PDE3B: variants seen among roughly 807,000 people sequenced by gnomAD.
PDE3B encodes the protein phosphodiesterase 3B.
Under a neutral mutation model 116.8 loss-of-function variants are expected in PDE3B, and 66 were observed. That is an observed-to-expected ratio of 0.56 (90% CI 0.46 to 0.69). The LOEUF is 0.69. Ranked by LOEUF, PDE3B falls within the 30% of genes least tolerant of loss-of-function variation. The probability of loss-of-function intolerance (pLI) is 0.00; values close to 1 mark genes in which losing one functional copy is unlikely to be tolerated. For missense variants in PDE3B, 1,384 were observed against 1,368.1 expected, an observed-to-expected ratio of 1.01 and a Z score of -0.18; for synonymous variants, 595 against 533.6, an observed-to-expected ratio of 1.12 and a Z score of -1.59.
chr11:14,690,347 T>C (rs535126329), intron 1 of PDE3B, among the ~76,000 whole-genome samples: 1 of 152,308 alleles, frequency 6.6e-6, no homozygotes, highest in Non-Finnish European at 1.5e-5. Flanking sequence ...TGAAGACTAT[T>C]TTGTAAAATA....
chr11:14,774,953 ACTC>A (rs1857741609), intron 2 of PDE3B: 1 of 152,120 alleles, frequency 6.6e-6, no homozygotes, highest in Admixed American at 6.5e-5. Context: ...CAGGCTTCTG[ACTC>A]AGGTCTTTGC....
intron 5 of PDE3B, among the ~76,000 whole-genome samples, chr11:14,812,635 A>T (rs575348041): frequency 6.6e-6 from 1 of 152,348 alleles, no homozygotes; most frequent in Admixed American, 6.5e-5. Flanking sequence ...AAATGATAAA[A>T]AATCTGAAGA....
At chr11:14,880,043 TA>T in the PDE3B span, 1 of 1,339,708 alleles carries the variant, frequency 7.5e-7, no homozygotes, top group Non-Finnish European at 1.0e-6. Context: ...CAGGAGTTCC[TA>T]AAGAAAATGT....
intron 5 of PDE3B, among the ~76,000 whole-genome samples, chr11:14,810,393 C>T (rs1484171878): frequency 6.7e-6 from 1 of 149,204 alleles, no homozygotes; most frequent in South Asian, 2.1e-4. Flanking sequence ...GTTCAATTCC[C>T]ACCTACAAGT....
In PDE3B at chr11:14,832,647, TC is replaced by T. The variant is rs1859923105; in HGVS notation, c.2095-74del. 1.1e-4 allele frequency: 64 copies of T among 585,948 alleles called. No individual in the cohort carries two copies. In the East Asian group the frequency reaches 2.0e-3, roughly 18 times the overall value. 36.3% of individuals were successfully genotyped at this position (585,948 alleles called of 1,614,324 possible). A position where few individuals can be genotyped will look rare whatever the true frequency, so the allele number is the denominator to read the frequency against. On this transcript the variant is annotated intron_variant, in intron 9 of 15. Transcript: ENST00000282096. Reference sequence around the variant, plus strand: ...CATGGTTAACATTCCAGAATACAAATCACAAAAACATTATACTCAGCTACAA... The same window carrying T: ...CATGGTTAACATTCCAGAATACAAATACAAAAACATTATACTCAGCTACAA...
intron 1 of PDE3B, among the ~76,000 whole-genome samples, chr11:14,753,850 T>C (rs1308820952): frequency 6.6e-6 from 1 of 152,092 alleles, no homozygotes; most frequent in African/African-American, 2.4e-5. Flanking sequence ...GTTAGATGAT[T>C]AAATAGTGTT....
At chr11:14,840,858 A>G (rs117060330) in intron 11 of PDE3B, among the ~76,000 whole-genome samples, 2,030 of 152,236 alleles carry the variant, frequency 0.013, 19 homozygotes, top group Middle Eastern at 0.027. Context: ...AAATATTTTA[A>G]AATTGGAGTT....
the PDE3B span, chr11:14,880,160 T>G: frequency 6.2e-7 from 1 of 1,612,772 alleles, no homozygotes; most frequent in African/African-American, 1.3e-5. Context: ...TAAAGGGCCA[T>G]GAAAAGAATC....
Position 14,867,698 on chromosome 11 carries a change from G to C in PDE3B, c.3079G>C (p.Asp1027His). 6.2e-7 allele frequency: 1 copy of C among 1,613,506 alleles called. No individual in the cohort carries two copies. Among genetic ancestry groups the C allele is most frequent in the Non-Finnish European group, 8.5e-7 (1 of 1,179,444 alleles). Residue 1027 changes from aspartate to histidine, a missense_variant, in exon 15 of 16, where the codon GAT becomes CAT. By Grantham distance (81) the Asp-to-His change is moderately conservative. This residue lies in a region of PDE3B where 428 missense variants were observed against 561.4 expected (regional missense o/e 0.76). Coordinates refer to ENST00000282096, the MANE Select transcript of PDE3B (RefSeq NM_000922.4). ...EEDNDTESGD[D>H]EDGEELDTED... ...GGATAATGATACTGAAAGTGGTGAT[G>C]ATGAAGACGGTGAAGAATTAGATAC...
Position 14,650,114 on chromosome 11 carries a change from A to G in PDE3B, c.978+5061A>G, listed in dbSNP as rs536219141. Among the ~76,000 whole-genome samples the G allele has an allele frequency of 2.0e-4, 31 of 151,760 alleles. 1 individual carries two copies. The South Asian group carries it at 5.6e-3, about 27-fold the overall frequency. On this transcript the variant is annotated intron_variant, in intron 1 of 15. Coordinates refer to ENST00000282096, the MANE Select transcript of PDE3B (RefSeq NM_000922.4). ...CTGGCATTGATTTACCTAGCAGATAACTTTACAGATTTCTCCTCCTCCATC... is the reference window on the plus strand; with the variant it reads ...CTGGCATTGATTTACCTAGCAGATAGCTTTACAGATTTCTCCTCCTCCATC...
chr11:14,752,680 A>G (rs1215313760), intron 1 of PDE3B, among the ~76,000 whole-genome samples: 1 of 152,144 alleles, frequency 6.6e-6, no homozygotes, highest in Non-Finnish European at 1.5e-5. Flanking sequence ...TGTGGCCATC[A>G]CAAACTCTGA....
chr11:14,803,247 A>G (rs1385835074), intron 4 of PDE3B, among the ~76,000 whole-genome samples: 1 of 152,220 alleles, frequency 6.6e-6, no homozygotes, highest in Non-Finnish European at 1.5e-5. Context: ...TTTGGTTTTG[A>G]ATTACTTATT....
chr11:14,842,943 C>T (rs1268155555), intron 11 of PDE3B, among the ~76,000 whole-genome samples: 5 of 152,124 alleles, frequency 3.3e-5, no homozygotes, highest in Non-Finnish European at 7.4e-5. Flanking sequence ...TTCTTTTGGA[C>T]TTTAACAAGC....
At chr11:14,757,986 T>C (rs1374983114) in intron 1 of PDE3B, among the ~76,000 whole-genome samples, 4 of 151,552 alleles carry the variant, frequency 2.6e-5, no homozygotes, top group Non-Finnish European at 5.9e-5. Context: ...TTGTATAAGG[T>C]GTAAGGAAGG....
At chr11:14,878,417 G>T in the PDE3B span, 1 of 946,552 alleles carries the variant, frequency 1.1e-6, no homozygotes, top group Non-Finnish European at 1.6e-6. Flanking sequence ...AGGGAACTAT[G>T]TTTATTAAAG....
chr11:14,713,959 G>GT (rs1359802386), intron 1 of PDE3B, among the ~76,000 whole-genome samples: 3 of 152,098 alleles, frequency 2.0e-5, no homozygotes, highest in Non-Finnish European at 4.4e-5. Context: ...TGTTTCTACT[G>GT]TTTTTTTGCA....
rs202209268 is a variant in PDE3B at position 14,835,437 on chromosome 11, TA to T, written c.2320+350del. Among the ~76,000 whole-genome samples, 171 of 150,480 alleles carry T rather than the reference TA, an allele frequency of 1.1e-3. 1 individual carries two copies. Among genetic ancestry groups the T allele is most frequent in the East Asian group, 7.6e-3 (39 of 5,120 alleles). On this transcript the variant is annotated intron_variant, in intron 11 of 15. Transcript: ENST00000282096. ...TATGATAATTAGTCCTTTGTTTTTT[TA>T]AAAAAAATTTTTTTTTTGTTTCAAG... is the stretch of plus-strand genomic sequence containing the variant.
chr11:14,647,638 A>C (rs1190778543), intron 1 of PDE3B, among the ~76,000 whole-genome samples: 2 of 152,014 alleles, frequency 1.3e-5, no homozygotes, highest in African/African-American at 4.8e-5. Flanking sequence ...ATAGGACTTT[A>C]AAAAAGTATA....
At chr11:14,890,808 A>T in the PDE3B span, 1 of 951,114 alleles carries the variant, frequency 1.1e-6, no homozygotes, top group Non-Finnish European at 1.3e-6. Context: ...TCGGCCTCCT[A>T]AAGTGCTGGG....
Sources: allele counts gnomAD v4.1 joint callset (sites outside exome capture counted in the v4.1 genomes callset), GRCh38; gene constraint gnomAD v4.1.1; regional missense constraint gnomAD v4.1.1; transcripts MANE v1.5; gene names NCBI Gene and HGNC (gene_info 2026-07-23, HGNC 2026-07-21).